The following LIMCH1 variants were observed in gnomAD, a reference collection of about 807,000 sequenced individuals.
The protein encoded by LIMCH1 is LIM and calponin homology domains-containing protein 1.
A neutral mutation model predicts 176.5 loss-of-function variants in LIMCH1; 113 were observed. That is an observed-to-expected ratio of 0.64 (90% confidence interval 0.55 to 0.75). The LOEUF (loss-of-function observed/expected upper bound fraction) is 0.75, where lower values mean the gene tolerates loss of function less well. Among genes scored for constraint, LIMCH1 ranks in the 30% least tolerant of loss-of-function variants. LIMCH1 has a pLI of 0.00. For missense variants in LIMCH1, 1,674 were observed against 1,814.9 expected (o/e 0.92, Z 1.41); for synonymous variants, 619 against 645.9 (o/e 0.96, Z 0.63).
At chr4:41,503,728 A>G (rs979988783) in intron 2 of LIMCH1, among the ~76,000 whole-genome samples, 1 of 152,160 alleles carries the variant, frequency 6.6e-6, no homozygotes, top group Non-Finnish European at 1.5e-5. Context: ...AAATCTATAG[A>G]TCACTCCTTC....
intron 1 of LIMCH1, among the ~76,000 whole-genome samples, chr4:41,374,866 G>A (rs911248891): frequency 1.3e-5 from 2 of 152,166 alleles, no homozygotes; most frequent in African/African-American, 2.4e-5. Flanking sequence ...GGGAAAGAGC[G>A]ACTCCAGTCC....
chr4:41,592,603 T>A (rs1044956619), intron 1 of LIMCH1, among the ~76,000 whole-genome samples: 69 of 152,214 alleles, frequency 4.5e-4, no homozygotes, highest in African/African-American at 1.5e-3. Context: ...CAAGAATGTC[T>A]TAATAATAAC....
At chr4:41,633,221 A>C in intron 12 of LIMCH1, 136 bp downstream of exon 12, 1 of 672,476 alleles carries the variant, frequency 1.5e-6, no homozygotes, top group Non-Finnish European at 2.5e-6. Flanking sequence ...TCACTAAAAG[A>C]GTGTGCTCAT....
At chr4:41,544,512 A>C (rs979013212) in intron 1 of LIMCH1, among the ~76,000 whole-genome samples, 14 of 152,150 alleles carry the variant, frequency 9.2e-5, no homozygotes, top group Non-Finnish European at 1.6e-4. Flanking sequence ...TGCAGAGTAG[A>C]GAAGAGCCCA....
chr4:41,434,037 G>A (rs1388616161), intron 1 of LIMCH1, among the ~76,000 whole-genome samples: 1 of 152,114 alleles, frequency 6.6e-6, no homozygotes, highest in Admixed American at 6.6e-5. Context: ...CTTAAAAGGG[G>A]TACACTTCCA....
chr4:41,634,749 G>A (rs2093492299), intron 13 of LIMCH1, among the ~76,000 whole-genome samples: 2 of 152,180 alleles, frequency 1.3e-5, no homozygotes, highest in African/African-American at 4.8e-5. Flanking sequence ...GGAATTCACA[G>A]GTAGGTTGAA....
chr4:41,551,884 C>T (rs2080485108), intron 1 of LIMCH1, among the ~76,000 whole-genome samples: 1 of 152,108 alleles, frequency 6.6e-6, no homozygotes, highest in Admixed American at 6.6e-5. Context: ...TTTACCAATT[C>T]CTGTTATAGT....
At chr4:41,444,860 T>A (rs959465177) in intron 1 of LIMCH1, among the ~76,000 whole-genome samples, 2 of 152,170 alleles carry the variant, frequency 1.3e-5, no homozygotes, top group Non-Finnish European at 2.9e-5. Flanking sequence ...AATCTGACCA[T>A]CCACTGTCTG....
intron 18 of LIMCH1, among the ~76,000 whole-genome samples, chr4:41,657,269 C>T (rs1361877001): frequency 1.3e-5 from 2 of 152,196 alleles, no homozygotes; most frequent in African/African-American, 4.8e-5. Context: ...TGAGCTGTAA[C>T]CAAAGAAAAA....
intron 18 of LIMCH1, among the ~76,000 whole-genome samples, chr4:41,652,081 C>CT (rs2152950360): frequency 6.6e-6 from 1 of 152,272 alleles, no homozygotes; most frequent in South Asian, 2.1e-4. Flanking sequence ...AAGGGAAAAA[C>CT]TATCAAGATA....
At chr4:41,505,798 A>G (rs1270522359) in intron 2 of LIMCH1, among the ~76,000 whole-genome samples, 1 of 152,170 alleles carries the variant, frequency 6.6e-6, no homozygotes, top group Non-Finnish European at 1.5e-5. Context: ...TAATCCATCT[A>G]TAGAAACACT....
At chr4:41,384,376 T>A (rs1347089722) in intron 1 of LIMCH1, among the ~76,000 whole-genome samples, 7 of 151,954 alleles carry the variant, frequency 4.6e-5, no homozygotes, top group East Asian at 1.9e-4. Flanking sequence ...GGCTATTTTT[T>A]TTTTTTTATT....
At chr4:41,459,818 G>A (rs1252411328) in intron 1 of LIMCH1, among the ~76,000 whole-genome samples, 1 of 152,178 alleles carries the variant, frequency 6.6e-6, no homozygotes, top group African/African-American at 2.4e-5. Context: ...GAACCATGAC[G>A]AAGCTTGCAG....
At chr4:41,451,629 C>T (rs1046569568) in intron 1 of LIMCH1, among the ~76,000 whole-genome samples, 4 of 152,084 alleles carry the variant, frequency 2.6e-5, no homozygotes, top group African/African-American at 9.7e-5. Flanking sequence ...CTCAACATTG[C>T]GTCTTTCATC....
intron 1 of LIMCH1, among the ~76,000 whole-genome samples, chr4:41,557,030 C>T (rs1247682259): frequency 1.3e-5 from 2 of 152,154 alleles, no homozygotes; most frequent in African/African-American, 4.8e-5. Flanking sequence ...TTTTAACTAT[C>T]ATTAATGGCC....
chr4:41,558,847 G>A (rs950276157), intron 1 of LIMCH1, among the ~76,000 whole-genome samples: 1 of 152,152 alleles, frequency 6.6e-6, no homozygotes, highest in Non-Finnish European at 1.5e-5. Context: ...GAGGGTTCCT[G>A]TATATAATCT....
intron 1 of LIMCH1, among the ~76,000 whole-genome samples, chr4:41,419,579 CT>C (rs1271500156): frequency 1.3e-4 from 10 of 79,226 alleles, no homozygotes; most frequent in Admixed American, 9.3e-4. Context: ...TCCTTCCTTC[CT>C]TCCTTCCTTC....
chr4:41,458,773 CAAAAAAA>C (rs779184137), intron 1 of LIMCH1, among the ~76,000 whole-genome samples: 1 of 53,468 alleles, frequency 1.9e-5, no homozygotes, highest in Non-Finnish European at 3.7e-5. Flanking sequence ...ACTCTGTCAC[CAAAAAAA>C]AAAAAAAAAA....
At chr4:41,678,729 CGT>C (rs68172613) in intron 23 of LIMCH1, among the ~76,000 whole-genome samples, 9 of 149,974 alleles carry the variant, frequency 6.0e-5, no homozygotes, top group Non-Finnish European at 7.4e-5. Flanking sequence ...AGAGAGAGAT[CGT>C]GTGTGTGTGT....
Sources: allele counts gnomAD v4.1 joint callset (sites outside exome capture counted in the v4.1 genomes callset), GRCh38; gene constraint gnomAD v4.1.1; transcripts MANE v1.5; gene names NCBI Gene and HGNC (gene_info 2026-07-23, HGNC 2026-07-21).